Variants in ROBO1 observed in about 807,000 individuals in gnomAD.
The protein encoded by ROBO1 is roundabout homolog 1.
In ROBO1, 149 loss-of-function variants were observed where a neutral mutation model predicts 195.9. The ratio of observed to expected loss-of-function variants is 0.76; its 90% confidence interval spans 0.67 to 0.87. ROBO1 has a LOEUF of 0.87. Among genes scored for constraint, ROBO1 ranks in the 40% least tolerant of loss-of-function variants. The pLI is 0.00. For missense variants in ROBO1, 1,933 were observed against 2,068.3 expected (o/e 0.93, Z 1.27); for synonymous variants, 816 against 733.2 (o/e 1.11, Z -1.82).
At chr3:78,631,829 T>TAGAACTAATGACAAAAGA (rs1705205542) in intron 24 of ROBO1, among the ~76,000 whole-genome samples, 1 of 152,182 alleles carries the variant, frequency 6.6e-6, no homozygotes, top group South Asian at 2.1e-4. Context: ...GAATAACTGA[T>TAGAACTAATGACAAAAGA]AGAACTAATG....
intron 2 of ROBO1, among the ~76,000 whole-genome samples, chr3:79,507,199 C>T (rs573067619): frequency 6.6e-6 from 1 of 152,322 alleles, no homozygotes; most frequent in Admixed American, 6.5e-5. Context: ...ACAAGAACTA[C>T]ATCCCTTGTG....
chr3:78,916,199 G>C (rs1400603670), intron 4 of ROBO1, among the ~76,000 whole-genome samples: 1 of 141,138 alleles, frequency 7.1e-6, no homozygotes, highest in Non-Finnish European at 1.5e-5. Context: ...GCAGTGAGCC[G>C]AGATCGCGCC....
intron 2 of ROBO1, among the ~76,000 whole-genome samples, chr3:79,188,879 C>T (rs919942716): frequency 4.6e-5 from 7 of 151,600 alleles, no homozygotes; most frequent in Non-Finnish European, 8.9e-5. Context: ...GAGTTGATGC[C>T]TTTGGGGTAT....
Position 79,625,838 on chromosome 3 carries a change from C to T in ROBO1, c.-50-35877G>A, listed in dbSNP as rs72909940. Among the ~76,000 whole-genome samples, 1,015 of 152,180 alleles carry T rather than the reference C, an allele frequency of 6.7e-3. 10 individuals carry two copies. The highest frequency in any genetic ancestry group is 0.023 in the African/African-American group (948 of 41,500). On this transcript the variant is annotated intron_variant, in intron 1 of 30. Transcript: ENST00000464233. ...ATTCTAAACAATTGAAAAGGGGGGA[C>T]GCCTCTCTAACTAGTTTTATGAAGC...
intron 1 of ROBO1, among the ~76,000 whole-genome samples, chr3:79,743,577 T>G (rs1703740734): frequency 6.6e-6 from 1 of 152,218 alleles, no homozygotes; most frequent in Admixed American, 6.6e-5. Context: ...TAAATTAACC[T>G]TACCTTACTG....
intron 2 of ROBO1, among the ~76,000 whole-genome samples, chr3:79,359,057 G>C (rs983651899): frequency 1.3e-5 from 2 of 151,942 alleles, no homozygotes; most frequent in Non-Finnish European, 2.9e-5. Flanking sequence ...CATGTCCTCT[G>C]TGCTACTATA....
intron 4 of ROBO1, among the ~76,000 whole-genome samples, chr3:78,825,573 T>C (rs187205883): frequency 3.7e-4 from 56 of 152,272 alleles, no homozygotes; most frequent in Admixed American, 9.2e-4. Context: ...CTACTGTTGA[T>C]GTTTGATCTG....
intron 4 of ROBO1, among the ~76,000 whole-genome samples, chr3:78,753,768 T>C (rs1029931142): frequency 4.6e-5 from 7 of 152,190 alleles, no homozygotes; most frequent in African/African-American, 7.2e-5. Context: ...AACATTTAAA[T>C]AGTTAATATT....
chr3:79,546,512 G>A (rs1559981169), intron 2 of ROBO1, among the ~76,000 whole-genome samples: 1 of 152,190 alleles, frequency 6.6e-6, no homozygotes. Context: ...ATTTGTAAGA[G>A]TTAAGCGCTT....
chr3:79,347,513 C>A (rs755577202), intron 2 of ROBO1, among the ~76,000 whole-genome samples: 14 of 152,120 alleles, frequency 9.2e-5, no homozygotes, highest in Middle Eastern at 3.2e-3. Context: ...CTATTTGTCA[C>A]TAAATTAATT....
At chr3:79,582,716 G>A (rs966208138) in intron 2 of ROBO1, among the ~76,000 whole-genome samples, 5 of 151,922 alleles carry the variant, frequency 3.3e-5, no homozygotes, top group Non-Finnish European at 7.4e-5. Context: ...AAGCTGCCCA[G>A]CCAAGTACAT....
At chr3:79,408,316 G>A (rs1020463182) in intron 2 of ROBO1, among the ~76,000 whole-genome samples, 3 of 151,770 alleles carry the variant, frequency 2.0e-5, no homozygotes, top group African/African-American at 7.3e-5. Context: ...CAGTACTGAA[G>A]GAAAAGTTTT....
chr3:78,685,011 C>G (rs1049741101), intron 10 of ROBO1, among the ~76,000 whole-genome samples: 1 of 151,842 alleles, frequency 6.6e-6, no homozygotes, highest in Non-Finnish European at 1.5e-5. Flanking sequence ...GTAAGAAATC[C>G]CTTGCCACTG....
At chr3:78,636,936 TA>T (rs1269880345) in intron 22 of ROBO1, among the ~76,000 whole-genome samples, 22 of 1,040 alleles carry the variant, frequency 0.021, no homozygotes, top group African/African-American at 0.058. Flanking sequence ...ACATTCATTT[TA>T]TATATATATA....
intron 3 of ROBO1, among the ~76,000 whole-genome samples, chr3:79,062,787 A>T (rs953467362): frequency 1.3e-5 from 2 of 152,070 alleles, no homozygotes; most frequent in African/African-American, 4.8e-5. Flanking sequence ...AACAATGAGA[A>T]CACATGGACA....
chr3:79,457,396 C>T (rs200959730), intron 2 of ROBO1, among the ~76,000 whole-genome samples: 16 of 148,994 alleles, frequency 1.1e-4, no homozygotes, highest in Admixed American at 6.0e-4. Context: ...TGTGTGTGTG[C>T]GTGTGTGTGT....
chr3:78,714,401 A>T lies in ROBO1; in HGVS notation c.1041T>A (p.Val347=), dbSNP rs1449802283. 5.6e-6 allele frequency: 9 copies of T among 1,611,560 alleles called. No individual in the cohort carries two copies. The highest frequency in any genetic ancestry group is 7.6e-6 in the Non-Finnish European group (9 of 1,178,890). The change falls in exon 8 of 31, where the codon GTT becomes GTA. Residue 347 remains valine, a synonymous_variant. Coordinates refer to ENST00000464233, the MANE Select transcript of ROBO1 (RefSeq NM_002941.4). The stretch of plus-strand genomic sequence containing the variant: ...AAAGCCTTTCCCAATGCCTACCTTG[A>T]ACAGTCAGAGTAGCAGATGCTTCAG... ...GKAEASATLT[V]QEPPHFVVKP...
chr3:79,518,723 C>T (rs1260359917), intron 2 of ROBO1, among the ~76,000 whole-genome samples: 5 of 151,866 alleles, frequency 3.3e-5, no homozygotes, highest in Non-Finnish European at 7.4e-5. Context: ...TCTTGTTGCC[C>T]AGGCTGGAGT....
intron 1 of ROBO1, among the ~76,000 whole-genome samples, chr3:79,658,206 C>T (rs1378056378): frequency 6.6e-6 from 1 of 152,036 alleles, no homozygotes; most frequent in African/African-American, 2.4e-5. Context: ...ACAATTCTAG[C>T]GGACTTGATG....
Sources: allele counts gnomAD v4.1 joint callset (sites outside exome capture counted in the v4.1 genomes callset), GRCh38; gene constraint gnomAD v4.1.1; transcripts MANE v1.5; gene names NCBI Gene and HGNC (gene_info 2026-07-23, HGNC 2026-07-21).